Variants in NEDD4 observed in about 807,000 individuals in gnomAD.
The protein encoded by NEDD4 is NEDD4 E3 ubiquitin protein ligase.
In NEDD4, 99 loss-of-function variants were observed where a neutral mutation model predicts 144.9. That is an observed-to-expected ratio of 0.68 (90% CI 0.58 to 0.81). The LOEUF (loss-of-function observed/expected upper bound fraction) is 0.81, where lower values mean the gene tolerates loss of function less well. NEDD4 is among the 30% of genes least tolerant of loss of function. The pLI is 0.00. For synonymous variants in NEDD4, 318 were observed against 350.6 expected, an observed-to-expected ratio of 0.91 and a Z score of 1.04; for missense variants, 985 against 1,065.9, an observed-to-expected ratio of 0.92 and a Z score of 1.06.
At chr15:55,840,392 T>C in intron 21 of NEDD4, 55 bp downstream of exon 21, 1 of 1,476,202 alleles carries the variant, frequency 6.8e-7, no homozygotes, top group South Asian at 1.3e-5. Flanking sequence ...CTTCAAAATG[T>C]TCAAGCTGCT....
rs761669415 is a variant in NEDD4, at chr15:55,846,962, G to T, written c.1608+7C>A. ...ACTCTTAAGTATTTATTATAAACAT[G>T]ACTAACCTGCTTCTTCAACTTTCTT... is the stretch of plus-strand genomic sequence containing the variant. On this transcript the variant is annotated splice_region_variant and intron_variant, in intron 18 of 28. Transcript: ENST00000435532. 1 of 1,565,822 alleles carries T rather than the reference G, an allele frequency of 6.4e-7. No individual in the cohort carries two copies. Among genetic ancestry groups the T allele is most frequent in the Non-Finnish European group, 8.8e-7 (1 of 1,138,332 alleles).
intron 1 of NEDD4, among the ~76,000 whole-genome samples, chr15:55,989,125 A>G (rs758481278): frequency 3.9e-5 from 6 of 152,074 alleles, no homozygotes; most frequent in Non-Finnish European, 8.8e-5. Context: ...AATCCCAGCT[A>G]CCCTGGAGGG....
chr15:55,868,937 G>C (rs2034678937), intron 8 of NEDD4, among the ~76,000 whole-genome samples: 1 of 152,110 alleles, frequency 6.6e-6, no homozygotes, highest in African/African-American at 2.4e-5. Flanking sequence ...CACAGGTCTG[G>C]CTAGACAGAG....
chr15:55,979,651 C>T (rs1050748229), intron 1 of NEDD4, among the ~76,000 whole-genome samples: 4 of 151,976 alleles, frequency 2.6e-5, no homozygotes, highest in Non-Finnish European at 5.9e-5. Flanking sequence ...CCGCGCCCGG[C>T]GAAAGTTTTT....
chr15:55,837,896 C>A (rs373396780), intron 23 of NEDD4, 47 bp from the exon 24 acceptor site: 5 of 1,461,574 alleles, frequency 3.4e-6, no homozygotes, highest in Non-Finnish European at 4.8e-6. Context: ...AGACAAAATT[C>A]TGAGGCACAA....
intron 5 of NEDD4, among the ~76,000 whole-genome samples, chr15:55,884,798 C>T (rs1486134653): frequency 3.3e-5 from 5 of 152,038 alleles, no homozygotes; most frequent in African/African-American, 1.2e-4. Flanking sequence ...AGCACACCTA[C>T]AAGATCTAGA....
intron 5 of NEDD4, among the ~76,000 whole-genome samples, chr15:55,891,783 C>G (rs1376047536): frequency 6.6e-6 from 1 of 151,976 alleles, no homozygotes; most frequent in Non-Finnish European, 1.5e-5. Flanking sequence ...TTTGTAAAAA[C>G]TTTAATTAGA....
In NEDD4 at chr15:55,840,020, ATATATATATATATATATATAT is replaced by A. The variant is rs2033425745; in HGVS notation, c.2031+406_2031+426del. On this transcript the variant is annotated intron_variant, in intron 21 of 28. Transcript: ENST00000435532. ...AAAAAATATATATATATATATATAT[ATATATATATATATATATATAT>A]AACATTCATCATAAAAGATCATAAT... Among the ~76,000 whole-genome samples the A allele has an allele frequency of 1.9e-4, 11 of 58,842 alleles. 1 individual carries two copies. The highest frequency in any genetic ancestry group is 2.9e-4 in the Non-Finnish European group (8 of 27,200). The allele number at this position is 58,842 out of a possible 152,430, so 38.6% of individuals were successfully genotyped here. A position where few individuals can be genotyped will look rare whatever the true frequency, so the allele number is the denominator to read the frequency against.
At chr15:55,873,331 G>C (rs983682534) in intron 6 of NEDD4, among the ~76,000 whole-genome samples, 15 of 152,144 alleles carry the variant, frequency 9.9e-5, no homozygotes, top group Non-Finnish European at 2.2e-4. Flanking sequence ...CTCTCTGTCA[G>C]CAGTCTACTT....
rs150277777 is a variant in NEDD4, at chr15:55,909,846, T to G, written c.291+14800A>C. On this transcript the variant is annotated intron_variant, in intron 5 of 28. Coordinates refer to ENST00000435532, the MANE Select transcript of NEDD4 (RefSeq NM_006154.4). ...AATAGGCCTTAAAACCTTGACTTGTTTTCTACATGGAAGCTCTATTTTGTC... is the reference window on the plus strand; with the variant it reads ...AATAGGCCTTAAAACCTTGACTTGTGTTCTACATGGAAGCTCTATTTTGTC... Among the ~76,000 whole-genome samples the G allele has an allele frequency of 4.5e-3, 690 of 152,342 alleles. 2 individuals carry two copies. The highest frequency in any genetic ancestry group is 6.1e-3 in the Non-Finnish European group (415 of 68,034).
At chr15:55,850,498 G>T in intron 14 of NEDD4, 44 bp downstream of exon 14, 2 of 1,568,584 alleles carry the variant, frequency 1.3e-6, no homozygotes, top group South Asian at 1.1e-5. Context: ...CATAAGAGAT[G>T]ATTATTGTTG....
At chr15:55,981,396 A>T (rs2037801884) in intron 1 of NEDD4, among the ~76,000 whole-genome samples, 1 of 152,000 alleles carries the variant, frequency 6.6e-6, no homozygotes, top group Non-Finnish European at 1.5e-5. Context: ...AACATGCTAC[A>T]TCACTTACGG....
chr15:55,968,086 A>G (rs1211227007), intron 1 of NEDD4, among the ~76,000 whole-genome samples: 4 of 152,190 alleles, frequency 2.6e-5, no homozygotes, highest in Admixed American at 1.3e-4. Context: ...AAAATATTTA[A>G]TATTATTATC....
chr15:55,975,932 G>A (rs778734474), intron 1 of NEDD4, among the ~76,000 whole-genome samples: 3 of 152,012 alleles, frequency 2.0e-5, no homozygotes, highest in South Asian at 2.1e-4. Flanking sequence ...AAAAACAGAC[G>A]TACAAACCAA....
intron 27 of NEDD4, among the ~76,000 whole-genome samples, chr15:55,832,667 C>T (rs552470150): frequency 3.9e-5 from 6 of 152,126 alleles, no homozygotes; most frequent in South Asian, 2.1e-4. Context: ...CTGCCTGCCT[C>T]GGCCTCCTGA....
At chr15:55,909,934 G>A (rs1289723174) in intron 5 of NEDD4, among the ~76,000 whole-genome samples, 1 of 152,080 alleles carries the variant, frequency 6.6e-6, no homozygotes, top group Non-Finnish European at 1.5e-5. Context: ...TCCAAAATGA[G>A]GTGTGAATAT....
chr15:55,874,424 C>T (rs551951352), intron 5 of NEDD4, among the ~76,000 whole-genome samples: 1 of 152,084 alleles, frequency 6.6e-6, no homozygotes, highest in Non-Finnish European at 1.5e-5. Flanking sequence ...TGCACTATTA[C>T]TGGCTTGAGG....
intron 5 of NEDD4, among the ~76,000 whole-genome samples, chr15:55,922,233 A>C (rs763889354): frequency 7.2e-5 from 11 of 152,374 alleles, no homozygotes; most frequent in Non-Finnish European, 1.5e-4. Context: ...GAATATAGAA[A>C]ATTATGCATC....
intron 5 of NEDD4, among the ~76,000 whole-genome samples, chr15:55,912,625 A>C (rs2036312186): frequency 6.6e-6 from 1 of 152,166 alleles, no homozygotes; most frequent in Non-Finnish European, 1.5e-5. Context: ...GGGGGAAACA[A>C]AATAACAGTA....
Sources: gnomAD v4.1 joint callset for allele counts (sites outside exome capture counted in the v4.1 genomes callset) on GRCh38, gnomAD v4.1.1 for gene constraint, MANE v1.5 for transcripts, NCBI Gene and HGNC (gene_info 2026-07-23, HGNC 2026-07-21) for gene names.